PALD1: variants seen among roughly 807,000 people sequenced by gnomAD.
The protein encoded by PALD1 is phosphatase domain containing paladin 1.
In PALD1, 57 loss-of-function variants were observed where a neutral mutation model predicts 96.0. That is an observed-to-expected ratio of 0.59 (90% CI 0.48 to 0.74). The LOEUF (loss-of-function observed/expected upper bound fraction) is 0.74, where lower values mean the gene tolerates loss of function less well. Ranked by LOEUF, PALD1 falls within the 30% of genes least tolerant of loss-of-function variation. PALD1 has a pLI of 0.00. For synonymous variants in PALD1, 464 were observed against 473.6 expected (o/e 0.98, Z 0.26); for missense variants, 1,063 against 1,143.7 (o/e 0.93, Z 1.02).
chr10:70,505,509 C>G (rs1392611370), intron 1 of PALD1, among the ~76,000 whole-genome samples: 1 of 151,818 alleles, frequency 6.6e-6, no homozygotes, highest in East Asian at 1.9e-4. Context: ...AAGGCTGAGG[C>G]AGGAGAATCG....
intron 1 of PALD1, among the ~76,000 whole-genome samples, chr10:70,491,167 G>A (rs1401506902): frequency 1.3e-5 from 2 of 152,152 alleles, no homozygotes; most frequent in Non-Finnish European, 2.9e-5. Flanking sequence ...GGATGGTCTC[G>A]ATCTCCTGAC....
Position 70,533,020 on chromosome 10 carries a change from C to G in PALD1, c.820C>G (p.Gln274Glu), listed in dbSNP as rs1462908795. The stretch of plus-strand genomic sequence containing the variant: ...GTACCACCGCCTGCCCCTGCCCGAG[C>G]AAGGGAGTCCCCTGGAGGCCCAGTT... ...YRYHRLPLPE[Q>E]GSPLEAQLDA... is the part of the protein sequence containing the mutation. The change falls in exon 7 of 20, where the codon CAA (glutamine) becomes GAA (glutamate). Residue 274 changes from glutamine (Q) to glutamate (E), a missense_variant. By Grantham distance (29) the Gln-to-Glu change is conservative. Transcript: ENST00000263563. The G allele has an allele frequency of 2.5e-6, 4 of 1,586,254 alleles. No individual in the cohort carries two copies. The highest frequency in any genetic ancestry group is 3.4e-6 in the Non-Finnish European group (4 of 1,166,012).
At chr10:70,476,548 G>C (rs1160783167), upstream of PALD1, among the ~76,000 whole-genome samples, 1 of 152,170 alleles carries the variant, frequency 6.6e-6, no homozygotes, top group Non-Finnish European at 1.5e-5. Context: ...ACTGTGGTTT[G>C]GATGCAGTCT....
intron 1 of PALD1, among the ~76,000 whole-genome samples, chr10:70,518,179 G>C (rs527814681): frequency 2.0e-5 from 3 of 152,342 alleles, no homozygotes; most frequent in South Asian, 4.1e-4. Context: ...TGGGATTACA[G>C]GCGAGAGCCA....
At chr10:70,549,434 C>G (rs963516646) in intron 18 of PALD1, among the ~76,000 whole-genome samples, 8 of 152,236 alleles carry the variant, frequency 5.3e-5, no homozygotes, top group South Asian at 4.1e-4. Flanking sequence ...GATAGGCCCC[C>G]CTTCCTCTGA....
At chr10:70,533,460 C>T (rs1847039538) in intron 7 of PALD1, among the ~76,000 whole-genome samples, 1 of 152,118 alleles carries the variant, frequency 6.6e-6, no homozygotes, top group Admixed American at 6.5e-5. Flanking sequence ...TGACCGCTGG[C>T]CCAGCTGCTG....
At chr10:70,545,317 A>C (rs1847339694) in intron 17 of PALD1, among the ~76,000 whole-genome samples, 1 of 152,118 alleles carries the variant, frequency 6.6e-6, no homozygotes, top group Admixed American at 6.5e-5. Flanking sequence ...GGGATTATAC[A>C]ACATGGGTTC....
the PALD1 span, among the ~76,000 whole-genome samples, chr10:70,466,511 G>C: frequency 2.0e-5 from 3 of 152,012 alleles, no homozygotes; most frequent in African/African-American, 7.3e-5. Context: ...CCAAAGTGTC[G>C]GGATTACAGG....
intron 1 of PALD1, among the ~76,000 whole-genome samples, chr10:70,493,720 A>T (rs923331301): frequency 6.6e-6 from 1 of 152,196 alleles, no homozygotes; most frequent in South Asian, 2.1e-4. Context: ...TTCAGAAAAG[A>T]TGTGCCAGGA....
chr10:70,530,362 G>C (rs535534491), intron 4 of PALD1, among the ~76,000 whole-genome samples: 12 of 152,340 alleles, frequency 7.9e-5, no homozygotes, highest in Non-Finnish European at 2.9e-5. Flanking sequence ...GTGACAGGAG[G>C]AGCCAGCTCA....
At chr10:70,551,075 G>A (rs1847468458) in intron 18 of PALD1, among the ~76,000 whole-genome samples, 1 of 152,124 alleles carries the variant, frequency 6.6e-6, no homozygotes, top group South Asian at 2.1e-4. Context: ...GGGGATGAGA[G>A]GCAACGATCT....
intron 1 of PALD1, among the ~76,000 whole-genome samples, chr10:70,480,663 C>T (rs972113216): frequency 4.6e-5 from 7 of 152,212 alleles, no homozygotes; most frequent in African/African-American, 9.7e-5. Flanking sequence ...TGCTCATGCT[C>T]GTGGCCTTGG....
intron 18 of PALD1, among the ~76,000 whole-genome samples, chr10:70,552,888 T>C (rs1441222993): frequency 6.6e-6 from 1 of 152,202 alleles, no homozygotes; most frequent in African/African-American, 2.4e-5. Context: ...CATACAGTTC[T>C]CCTTTTCCCC....
At chr10:70,536,879 G>A (rs371959162) in intron 10 of PALD1, among the ~76,000 whole-genome samples, 1 of 152,142 alleles carries the variant, frequency 6.6e-6, no homozygotes, top group African/African-American at 2.4e-5. Context: ...CTGGAGATCC[G>A]AGGGCCCTTG....
intron 1 of PALD1, among the ~76,000 whole-genome samples, chr10:70,490,932 T>A (rs1374400629): frequency 6.6e-6 from 1 of 152,136 alleles, no homozygotes; most frequent in Non-Finnish European, 1.5e-5. Flanking sequence ...ATTATTGAAA[T>A]CTGCTTGTAG....
chr10:70,534,099 T>G, intron 8 of PALD1, 26 bp downstream of exon 8: 1 of 1,555,244 alleles, frequency 6.4e-7, no homozygotes. Context: ...CCCAGCGTCC[T>G]GAAGGGCTGT....
chr10:70,526,972 C>T (rs1271597244), intron 2 of PALD1, among the ~76,000 whole-genome samples: 2 of 152,180 alleles, frequency 1.3e-5, no homozygotes, highest in African/African-American at 4.8e-5. Context: ...GAATGATAAA[C>T]CCTGCCTGCC....
the PALD1 span, among the ~76,000 whole-genome samples, chr10:70,463,276 T>C: frequency 3.9e-5 from 6 of 152,146 alleles, no homozygotes; most frequent in East Asian, 7.8e-4. Context: ...TGGTGGCAGG[T>C]GCCTGTAGTC....
chr10:70,566,989 A>G lies in PALD1; in HGVS notation c.*256A>G. ...AGGAGCACTCACTGGAGTGCTCACA[A>G]GGTGCACACTGCTGTGTGTACCTTG... On this transcript the variant is annotated 3_prime_UTR_variant, in exon 20 of 20. Coordinates refer to ENST00000263563, the MANE Select transcript of PALD1 (RefSeq NM_014431.3). 2.0e-6 allele frequency: 1 copy of G among 497,316 alleles called. No homozygotes were observed. The highest frequency in any genetic ancestry group is 3.6e-6 in the Non-Finnish European group (1 of 280,870). 30.8% of individuals were successfully genotyped at this position (497,316 alleles called of 1,614,324 possible).
Sources: gnomAD v4.1 joint callset for allele counts (sites outside exome capture counted in the v4.1 genomes callset) on GRCh38, gnomAD v4.1.1 for gene constraint, MANE v1.5 for transcripts, NCBI Gene and HGNC (gene_info 2026-07-23, HGNC 2026-07-21) for gene names.